Variants in PEX14 observed in about 807,000 individuals in gnomAD.
The protein encoded by PEX14 is peroxisomal membrane protein PEX14.
A neutral mutation model predicts 49.5 loss-of-function variants in PEX14; 15 were observed. The ratio of observed to expected loss-of-function variants is 0.30; its 90% confidence interval spans 0.20 to 0.47. The LOEUF (loss-of-function observed/expected upper bound fraction) is 0.47, where lower values mean the gene tolerates loss of function less well. Ranked by LOEUF, PEX14 falls within the 20% of genes least tolerant of loss-of-function variation. PEX14 has a pLI of 1.00. For missense variants in PEX14, 398 were observed against 494.8 expected, an observed-to-expected ratio of 0.80 and a Z score of 1.86; for synonymous variants, 210 against 212.7, an observed-to-expected ratio of 0.99 and a Z score of 0.11.
At chr1:10,534,591 C>T (rs371516896) in intron 2 of PEX14, among the ~76,000 whole-genome samples, 2 of 151,866 alleles carry the variant, frequency 1.3e-5, no homozygotes, top group Non-Finnish European at 2.9e-5. Context: ...TTGAGTATGC[C>T]GTTTGGGGTC....
At chr1:10,591,574 T>C (rs1640667915) in intron 3 of PEX14, among the ~76,000 whole-genome samples, 1 of 152,096 alleles carries the variant, frequency 6.6e-6, no homozygotes, top group African/African-American at 2.4e-5. Flanking sequence ...CCCCAGCAAC[T>C]AGTCCTCTCT....
intron 4 of PEX14, among the ~76,000 whole-genome samples, chr1:10,616,344 A>C (rs578133733): frequency 2.6e-5 from 4 of 152,168 alleles, no homozygotes; most frequent in Non-Finnish European, 4.4e-5. Context: ...ACGCCAGGAC[A>C]TGGAAGGTAC....
intron 1 of PEX14, among the ~76,000 whole-genome samples, chr1:10,491,000 T>G (rs1177703198): frequency 1.3e-5 from 2 of 150,940 alleles, no homozygotes; most frequent in Non-Finnish European, 3.0e-5. Context: ...CGGCCTTGTT[T>G]TTTTTTTTTT....
chr1:10,513,547 T>G (rs1203860082), intron 2 of PEX14, among the ~76,000 whole-genome samples: 1 of 152,162 alleles, frequency 6.6e-6, no homozygotes, highest in African/African-American at 2.4e-5. Flanking sequence ...GGGAGCCAAG[T>G]GTCCCTCGCA....
intron 3 of PEX14, among the ~76,000 whole-genome samples, chr1:10,584,572 T>C (rs1370767748): frequency 1.3e-5 from 2 of 152,182 alleles, no homozygotes; most frequent in African/African-American, 2.4e-5. Flanking sequence ...GACAGATCAA[T>C]AGAGAATAAT....
At chr1:10,625,446 C>T (rs951431026) in intron 7 of PEX14, among the ~76,000 whole-genome samples, 3 of 152,246 alleles carry the variant, frequency 2.0e-5, no homozygotes, top group Non-Finnish European at 4.4e-5. Flanking sequence ...TGAGCCAGCA[C>T]TCAGATCTTT....
At chr1:10,545,681 T>C (rs1639147252) in intron 3 of PEX14, among the ~76,000 whole-genome samples, 1 of 152,252 alleles carries the variant, frequency 6.6e-6, no homozygotes, top group African/African-American at 2.4e-5. Flanking sequence ...AACTTCGTGG[T>C]ACATTGGTTT....
At chr1:10,491,242 A>G (rs1641466515) in intron 1 of PEX14, among the ~76,000 whole-genome samples, 1 of 151,960 alleles carries the variant, frequency 6.6e-6, no homozygotes, top group African/African-American at 2.4e-5. Flanking sequence ...TGATTAAAAA[A>G]ATAAAAAAAA....
At chr1:10,614,368 T>C (rs1641353110) in intron 4 of PEX14, among the ~76,000 whole-genome samples, 1 of 152,108 alleles carries the variant, frequency 6.6e-6, no homozygotes, top group African/African-American at 2.4e-5. Flanking sequence ...GGCAATAAAA[T>C]GTTCTTAACG....
At chr1:10,477,075 C>CT (rs573516670) in intron 1 of PEX14, among the ~76,000 whole-genome samples, 8,486 of 143,700 alleles carry the variant, frequency 0.059, 522 homozygotes, top group African/African-American at 0.15. Flanking sequence ...TTGAACTTTT[C>CT]TTTTTTTTTT....
chr1:10,627,601 C>T (rs985279322), intron 8 of PEX14, among the ~76,000 whole-genome samples: 1 of 152,250 alleles, frequency 6.6e-6, no homozygotes, highest in African/African-American at 2.4e-5. Context: ...GTTCCCAGGC[C>T]TGTGAAGACC....
At chr1:10,627,195 C>T in intron 7 of PEX14, 77 bp from the exon 8 acceptor site, 16 of 966,130 alleles carry the variant, frequency 1.7e-5, no homozygotes, top group Non-Finnish European at 2.7e-5. Flanking sequence ...CTGCCCCCAC[C>T]CAGGTCCTCC....
chr1:10,497,688 C>G (rs547920482), intron 2 of PEX14, among the ~76,000 whole-genome samples: 1 of 152,124 alleles, frequency 6.6e-6, no homozygotes, highest in Non-Finnish European at 1.5e-5. Flanking sequence ...AAGAGCTCTG[C>G]GGAGGGCGAG....
chr1:10,548,476 A>G (rs576613091), intron 3 of PEX14, among the ~76,000 whole-genome samples: 2 of 152,346 alleles, frequency 1.3e-5, no homozygotes, highest in Admixed American at 1.3e-4. Flanking sequence ...AATTAGAAAG[A>G]TTTAAAAATA....
intron 2 of PEX14, among the ~76,000 whole-genome samples, chr1:10,523,267 C>T (rs1221962797): frequency 6.6e-6 from 1 of 152,076 alleles, no homozygotes; most frequent in Non-Finnish European, 1.5e-5. Flanking sequence ...TAGTAAGTAG[C>T]GTGAGTAAAG....
chr1:10,624,235 A>G, intron 6 of PEX14, 105 bp from the exon 7 acceptor site: 1 of 806,694 alleles, frequency 1.2e-6, no homozygotes, highest in South Asian at 1.3e-5. Context: ...CTGCAGATAA[A>G]TTAGATGGAG....
intron 4 of PEX14, among the ~76,000 whole-genome samples, chr1:10,600,051 A>G (rs1422171662): frequency 1.3e-5 from 2 of 152,236 alleles, no homozygotes; most frequent in East Asian, 1.9e-4. Context: ...CCTTGAAATC[A>G]CTTATAAAAA....
At chr1:10,547,557 T>C (rs1639213016) in intron 3 of PEX14, among the ~76,000 whole-genome samples, 1 of 152,210 alleles carries the variant, frequency 6.6e-6, no homozygotes, top group Non-Finnish European at 1.5e-5. Context: ...GTTTTTCTTA[T>C]GCTTGCATAC....
intron 3 of PEX14, among the ~76,000 whole-genome samples, chr1:10,576,048 A>G (rs529196644): frequency 6.6e-6 from 1 of 152,288 alleles, no homozygotes; most frequent in African/African-American, 2.4e-5. Context: ...TGTTTATTCA[A>G]TCCTTCTTCC....
Sources: gnomAD v4.1 joint callset for allele counts (sites outside exome capture counted in the v4.1 genomes callset) on GRCh38, gnomAD v4.1.1 for gene constraint, MANE v1.5 for transcripts, NCBI Gene and HGNC (gene_info 2026-07-23, HGNC 2026-07-21) for gene names.